The following SH3PXD2A variants were observed in gnomAD, a reference collection of about 807,000 sequenced individuals.
SH3PXD2A encodes SH3 and PX domains 2A.
In SH3PXD2A, 32 loss-of-function variants were observed where a neutral mutation model predicts 115.2. The ratio of observed to expected loss-of-function variants is 0.28; its 90% confidence interval spans 0.21 to 0.37. The LOEUF is 0.37. Ranked by LOEUF, SH3PXD2A falls within the 10% of genes least tolerant of loss-of-function variation. The probability of loss-of-function intolerance (pLI) is 1.00; values close to 1 mark genes in which losing one functional copy is unlikely to be tolerated. For missense variants in SH3PXD2A, 1,328 were observed against 1,498.7 expected, an observed-to-expected ratio of 0.89 and a Z score of 1.88; for synonymous variants, 610 against 629.1, an observed-to-expected ratio of 0.97 and a Z score of 0.45.
intron 5 of SH3PXD2A, among the ~76,000 whole-genome samples, chr10:103,699,127 G>A (rs1339401830): frequency 6.6e-6 from 1 of 152,168 alleles, no homozygotes; most frequent in Admixed American, 6.5e-5. Context: ...GGGGGCAGGA[G>A]AGGGGCTGTC....
At chr10:103,739,084 A>G (rs1228717755) in intron 3 of SH3PXD2A, among the ~76,000 whole-genome samples, 1 of 152,168 alleles carries the variant, frequency 6.6e-6, no homozygotes, top group African/African-American at 2.4e-5. Context: ...TTTAAAAACT[A>G]GTTAAGGAGC....
rs747949027 is a variant in SH3PXD2A, at chr10:103,661,107, G to A, written c.480C>T (p.Asp160=). 2 of 1,612,846 alleles carry A rather than the reference G, an allele frequency of 1.2e-6. No individual in the cohort carries two copies. Among genetic ancestry groups the A allele is most frequent in the East Asian group, 2.2e-5 (1 of 44,808 alleles). The change falls in exon 8 of 15, where the codon GAC becomes GAT. Residue 160 remains aspartate, a synonymous_variant. Transcript: ENST00000369774. ...ESPKKDVTGA[D]ATAEPMILEQ... Reference sequence around the variant, plus strand: ...CCAGGATCATGGGCTCGGCGGTGGCGTCGGCACCTGGCGAGGGCAGAAAGC... The same window carrying A: ...CCAGGATCATGGGCTCGGCGGTGGCATCGGCACCTGGCGAGGGCAGAAAGC...
intron 8 of SH3PXD2A, among the ~76,000 whole-genome samples, chr10:103,633,741 A>AG (rs1564849656): frequency 1.2e-4 from 18 of 150,882 alleles, no homozygotes; most frequent in Non-Finnish European, 2.4e-4. Context: ...AAAAAAAAAA[A>AG]AAAAAAAAAA....
At chr10:103,661,639 G>A (rs1205283060) in intron 7 of SH3PXD2A, 10 of 984,746 alleles carry the variant, frequency 1.0e-5, no homozygotes, top group Middle Eastern at 5.2e-4. Flanking sequence ...CTGCAAACCC[G>A]AGAGAAAAGG....
chr10:103,810,982 A>G (rs2039264510), intron 1 of SH3PXD2A, among the ~76,000 whole-genome samples: 1 of 143,480 alleles, frequency 7.0e-6, no homozygotes, highest in Non-Finnish European at 1.5e-5. Flanking sequence ...ACACACACAC[A>G]CGGCAGTGGT....
intron 12 of SH3PXD2A, among the ~76,000 whole-genome samples, chr10:103,611,963 G>A (rs946343051): frequency 6.6e-6 from 1 of 152,218 alleles, no homozygotes; most frequent in Non-Finnish European, 1.5e-5. Context: ...CAGAGACCAT[G>A]TCTGTTTTTT....
At chr10:103,845,534 G>C (rs1842839479) in intron 1 of SH3PXD2A, among the ~76,000 whole-genome samples, 1 of 152,138 alleles carries the variant, frequency 6.6e-6, no homozygotes, top group Admixed American at 6.5e-5. Context: ...GGTCTCACAA[G>C]AGGAAGCATG....
At chr10:103,817,435 G>T (rs1321739413) in intron 1 of SH3PXD2A, among the ~76,000 whole-genome samples, 2 of 152,146 alleles carry the variant, frequency 1.3e-5, no homozygotes, top group Non-Finnish European at 2.9e-5. Context: ...CTGCCTCCCA[G>T]GTTCAAGCAA....
intron 8 of SH3PXD2A, among the ~76,000 whole-genome samples, chr10:103,631,998 T>A (rs2036787403): frequency 6.6e-6 from 1 of 152,202 alleles, no homozygotes; most frequent in South Asian, 2.1e-4. Flanking sequence ...CCATGTCTCA[T>A]CCTGACACTT....
chr10:103,841,442 CTG>C (rs1337317245), intron 1 of SH3PXD2A, among the ~76,000 whole-genome samples: 1 of 152,128 alleles, frequency 6.6e-6, no homozygotes, highest in Non-Finnish European at 1.5e-5. Flanking sequence ...CTGATGGAGA[CTG>C]TGTTTCCCCA....
intron 4 of SH3PXD2A, among the ~76,000 whole-genome samples, chr10:103,731,962 C>A (rs541995623): frequency 6.6e-6 from 1 of 152,272 alleles, no homozygotes; most frequent in East Asian, 1.9e-4. Flanking sequence ...CCTCTTCCCT[C>A]CTACAAAGAA....
chr10:103,605,534 CCT>C (rs1347371595), intron 14 of SH3PXD2A, among the ~76,000 whole-genome samples: 13 of 152,332 alleles, frequency 8.5e-5, no homozygotes, highest in African/African-American at 2.2e-4. Context: ...TCAAGGCCCC[CCT>C]GTCACAAGCT....
intron 7 of SH3PXD2A, chr10:103,661,898 C>T (rs2037311529): frequency 1.0e-6 from 1 of 984,962 alleles, no homozygotes; most frequent in African/African-American, 1.7e-5. Flanking sequence ...GGCTGGCGAG[C>T]CCAGCCCGCC....
chr10:103,607,594 G>A (rs1280241199), intron 13 of SH3PXD2A, among the ~76,000 whole-genome samples: 5 of 151,980 alleles, frequency 3.3e-5, no homozygotes, highest in African/African-American at 9.7e-5. Flanking sequence ...CTGCCCGGCC[G>A]CCCCTACTGG....
chr10:103,720,371 C>T (rs534926718), intron 5 of SH3PXD2A, among the ~76,000 whole-genome samples: 6 of 152,314 alleles, frequency 3.9e-5, no homozygotes, highest in South Asian at 4.1e-4. Flanking sequence ...ACTAACTGAC[C>T]GGAGATGGGT....
At chr10:103,616,999 G>A (rs141279203) in intron 11 of SH3PXD2A, among the ~76,000 whole-genome samples, 198 bp downstream of exon 11, 22 of 152,410 alleles carry the variant, frequency 1.4e-4, no homozygotes, top group Admixed American at 5.9e-4. Flanking sequence ...TGCTTTACGC[G>A]TCCCGGGAGA....
chr10:103,615,477 T>G (rs2036498248), intron 11 of SH3PXD2A, among the ~76,000 whole-genome samples: 2 of 133,146 alleles, frequency 1.5e-5, no homozygotes, highest in African/African-American at 5.9e-5. Context: ...CGATGGAGAG[T>G]GCGAGGGTGT....
chr10:103,633,652 C>T (rs1010282398), intron 8 of SH3PXD2A, among the ~76,000 whole-genome samples: 11 of 132,346 alleles, frequency 8.3e-5, no homozygotes, highest in Admixed American at 1.8e-4. Flanking sequence ...CGCTTGAACC[C>T]GGGAGGTGGA....
At chr10:103,821,646 G>A (rs2039381540) in intron 1 of SH3PXD2A, among the ~76,000 whole-genome samples, 1 of 152,002 alleles carries the variant, frequency 6.6e-6, no homozygotes, top group South Asian at 2.1e-4. Flanking sequence ...TCGACCTCCT[G>A]GGCTCAAGCC....
Sources: gnomAD v4.1 joint callset for allele counts (sites outside exome capture counted in the v4.1 genomes callset) on GRCh38, gnomAD v4.1.1 for gene constraint, MANE v1.5 for transcripts, NCBI Gene and HGNC (gene_info 2026-07-23, HGNC 2026-07-21) for gene names.